Variants in FOXP2 observed in about 807,000 individuals in gnomAD.
The protein encoded by FOXP2 is forkhead box P2.
In FOXP2, 12 loss-of-function variants were observed where a neutral mutation model predicts 115.8. That is an observed-to-expected ratio of 0.10 (90% CI 0.07 to 0.17). FOXP2 has a LOEUF of 0.17. Among genes scored for constraint, FOXP2 ranks in the 10% least tolerant of loss-of-function variants. The pLI is 1.00. For missense variants in FOXP2, 629 were observed against 843.5 expected (o/e 0.75, Z 3.15); for synonymous variants, 328 against 297.7 (o/e 1.10, Z -1.05).
In FOXP2 at chr7:114,563,706, G is replaced by A. The variant is rs138420747; in HGVS notation, c.258+29000G>A. Among the ~76,000 whole-genome samples the A allele has an allele frequency of 2.0e-5, 3 of 152,258 alleles. No homozygotes were observed. The East Asian group carries it at 5.8e-4, about 29-fold the overall frequency. On this transcript the variant is annotated intron_variant, in intron 3 of 16. Transcript: ENST00000350908. ...TTCTTGTCTTGTCACCTGAACTTAA[G>A]TCTTGTATAGCCAGAAGTCTTCCAG...
intron 2 of FOXP2, among the ~76,000 whole-genome samples, chr7:114,370,056 G>A (rs1338205744): frequency 6.6e-6 from 1 of 152,122 alleles, no homozygotes; most frequent in African/African-American, 2.4e-5. Context: ...ATTGAGTAAT[G>A]CTTGTTCAAA....
chr7:114,568,704 A>G (rs1327069132), intron 3 of FOXP2, among the ~76,000 whole-genome samples: 1 of 151,854 alleles, frequency 6.6e-6, no homozygotes, highest in East Asian at 1.9e-4. Context: ...ATATTTTGGC[A>G]CCTGTATCCC....
intron 10 of FOXP2, 165 bp downstream of exon 10, chr7:114,654,174 G>A: frequency 1.4e-6 from 2 of 1,475,812 alleles, no homozygotes; most frequent in South Asian, 1.2e-5. Context: ...TTCTTTTAAA[G>A]TAATGCTATC....
At chr7:114,486,267 C>A (rs9690659) in intron 2 of FOXP2, among the ~76,000 whole-genome samples, 1,692 of 152,064 alleles carry the variant, frequency 0.011, 15 homozygotes, top group Middle Eastern at 0.031. Context: ...TGGTGGCAGG[C>A]AAGAGCACAT....
At chr7:114,647,752 C>A (rs891777659) in intron 8 of FOXP2, among the ~76,000 whole-genome samples, 2 of 151,960 alleles carry the variant, frequency 1.3e-5, no homozygotes, top group African/African-American at 4.8e-5. Flanking sequence ...AGTTTGTCTG[C>A]AAAATTAATT....
At chr7:114,470,176 C>G (rs978669075) in intron 2 of FOXP2, among the ~76,000 whole-genome samples, 2 of 152,148 alleles carry the variant, frequency 1.3e-5, no homozygotes, top group Non-Finnish European at 2.9e-5. Flanking sequence ...GCCCCTGACT[C>G]TACTCATTTC....
chr7:114,668,653 G>T (rs77864087), intron 16 of FOXP2: 1 of 152,156 alleles, frequency 6.6e-6, no homozygotes, highest in East Asian at 1.9e-4. Flanking sequence ...ATGTGTGAGT[G>T]TGTGTGCACA....
chr7:114,491,075 C>T (rs923437171), intron 2 of FOXP2, among the ~76,000 whole-genome samples: 2 of 152,190 alleles, frequency 1.3e-5, no homozygotes, highest in African/African-American at 2.4e-5. Flanking sequence ...CCTGAGGAAT[C>T]GCCACACTGA....
rs531539565 is a variant in FOXP2, at chr7:114,287,331, G to A, written c.-101-688G>A. Among the ~76,000 whole-genome samples the A allele has an allele frequency of 4.6e-5, 7 of 152,006 alleles. No homozygotes were observed. In the South Asian group the frequency reaches 6.2e-4, roughly 14 times the overall value. ...TTTGTGTTGGGCTGCATTCAAAGCC[G>A]TCCTGGCCACGAGTTGGACAAGACT... On this transcript the variant is annotated intron_variant, in intron 1 of 17. Transcript: ENST00000634411.
chr7:114,678,390 G>C (rs1807888709), intron 16 of FOXP2, among the ~76,000 whole-genome samples: 3 of 151,992 alleles, frequency 2.0e-5, no homozygotes, highest in Admixed American at 2.0e-4. Flanking sequence ...GTGTCTTATA[G>C]CTCATTAATT....
At chr7:114,120,486 A>G (rs1791530228) in intron 1 of FOXP2, among the ~76,000 whole-genome samples, 1 of 152,126 alleles carries the variant, frequency 6.6e-6, no homozygotes, top group Non-Finnish European at 1.5e-5. Flanking sequence ...GAAAGGGGGC[A>G]GGGAGATCAG....
intron 1 of FOXP2, among the ~76,000 whole-genome samples, chr7:114,088,916 T>A (rs1196888167): frequency 6.6e-6 from 1 of 152,208 alleles, no homozygotes; most frequent in Admixed American, 6.5e-5. Context: ...CAATTTCATA[T>A]CAGTTTTAGA....
intron 1 of FOXP2, among the ~76,000 whole-genome samples, chr7:114,090,137 A>T (rs1799513297): frequency 6.6e-6 from 1 of 151,936 alleles, no homozygotes; most frequent in Admixed American, 6.5e-5. Context: ...GATGAACGTC[A>T]TGTATTTTCT....
chr7:114,594,393 T>TTA (rs1331819255), intron 3 of FOXP2, among the ~76,000 whole-genome samples: 2 of 152,056 alleles, frequency 1.3e-5, no homozygotes, highest in Non-Finnish European at 2.9e-5. Flanking sequence ...ATTAGTGGCA[T>TTA]TATACATTTT....
chr7:114,454,512 T>G (rs1795205624), intron 2 of FOXP2, among the ~76,000 whole-genome samples: 1 of 151,402 alleles, frequency 6.6e-6, no homozygotes, highest in Non-Finnish European at 1.5e-5. Context: ...AGCCATCCCA[T>G]TACTGGGTAT....
intron 2 of FOXP2, among the ~76,000 whole-genome samples, chr7:114,318,615 T>C (rs1425684133): frequency 6.6e-6 from 1 of 151,682 alleles, no homozygotes; most frequent in South Asian, 2.1e-4. Flanking sequence ...AACAGTGCAG[T>C]TACTCAAATA....
intron 2 of FOXP2, among the ~76,000 whole-genome samples, chr7:114,372,888 T>C (rs879943692): frequency 1.3e-5 from 2 of 152,236 alleles, no homozygotes; most frequent in African/African-American, 2.4e-5. Context: ...GTTTTCGTAC[T>C]CTTTCCTTTA....
At chr7:114,217,911 T>C (rs1294918568) in intron 1 of FOXP2, among the ~76,000 whole-genome samples, 1 of 152,186 alleles carries the variant, frequency 6.6e-6, no homozygotes, top group African/African-American at 2.4e-5. Flanking sequence ...CCCAATAGTG[T>C]TGTCTACTGA....
At chr7:114,654,443 A>G (rs1373668561) in intron 10 of FOXP2, among the ~76,000 whole-genome samples, 2 of 152,202 alleles carry the variant, frequency 1.3e-5, no homozygotes, top group Non-Finnish European at 2.9e-5. Flanking sequence ...ATATTTTGTC[A>G]TAAAGGTCAT....
Sources: gnomAD v4.1 joint callset for allele counts (sites outside exome capture counted in the v4.1 genomes callset) on GRCh38, gnomAD v4.1.1 for gene constraint, MANE v1.5 for transcripts, NCBI Gene and HGNC (gene_info 2026-07-23, HGNC 2026-07-21) for gene names.